USP34: variants seen among roughly 807,000 people sequenced by gnomAD.
USP34 encodes ubiquitin carboxyl-terminal hydrolase 34.
Under a neutral mutation model 460.3 loss-of-function variants are expected in USP34, and 70 were observed. That is an observed-to-expected ratio of 0.15 (90% CI 0.13 to 0.19). USP34 has a LOEUF of 0.19. USP34 is among the 10% of genes least tolerant of loss of function. USP34 has a pLI of 1.00. For missense variants in USP34, 3,985 were observed against 4,236.2 expected (o/e 0.94, Z 1.65); for synonymous variants, 1,647 against 1,405.3 (o/e 1.17, Z -3.85).
chr2:61,223,828 A>G (rs1687657836), intron 62 of USP34, among the ~76,000 whole-genome samples: 2 of 152,138 alleles, frequency 1.3e-5, no homozygotes, highest in Non-Finnish European at 1.5e-5. Flanking sequence ...CCTAGATTGC[A>G]TATTTCTTTT....
chr2:61,293,455 T>C lies in USP34; in HGVS notation c.4548+9A>G, dbSNP rs374423950. Reference sequence around the variant, plus strand: ...CTGTAACTAGTTGAAACCATAAATATGCACTTACCACAGTCCATGATTCCT... The same window carrying C: ...CTGTAACTAGTTGAAACCATAAATACGCACTTACCACAGTCCATGATTCCT... On this transcript the variant is annotated intron_variant, in intron 33 of 79. Coordinates refer to ENST00000398571, the MANE Select transcript of USP34 (RefSeq NM_014709.4). The C allele has an allele frequency of 1.1e-5, 18 of 1,604,978 alleles. No homozygotes were observed. The highest frequency in any genetic ancestry group is 2.7e-5 in the African/African-American group (2 of 74,662).
At chr2:61,404,627 A>G (rs147397115) in intron 3 of USP34, among the ~76,000 whole-genome samples, 104 of 152,304 alleles carry the variant, frequency 6.8e-4, no homozygotes, top group African/African-American at 2.3e-3. Flanking sequence ...GGAGCCCCAG[A>G]TAACAGCCAC....
rs181346629 is a variant in USP34, at chr2:61,437,768, G to A, written c.44-16935C>T. Among the ~76,000 whole-genome samples, 22 of 46,222 alleles carry A rather than the reference G, an allele frequency of 4.8e-4. No individual in the cohort carries two copies. In the East Asian group the frequency reaches 9.2e-3, roughly 19 times the overall value. 30.3% of individuals were successfully genotyped at this position (46,222 alleles called of 152,430 possible). On this transcript the variant is annotated intron_variant, in intron 1 of 79. Coordinates refer to ENST00000398571, the MANE Select transcript of USP34 (RefSeq NM_014709.4). ...AGCCTGGGCAACAGAGCGAGACTCC[G>A]TCTCAAAAATAAATAAATAAATAAA...
intron 8 of USP34, among the ~76,000 whole-genome samples, chr2:61,377,255 A>G (rs143246686): frequency 1.0e-3 from 157 of 152,290 alleles, no homozygotes; most frequent in Non-Finnish European, 1.7e-3. Context: ...AGCGCCTTAG[A>G]GCAGTAGTAA....
At chr2:61,362,095 C>T (rs890480849) in intron 10 of USP34, among the ~76,000 whole-genome samples, 4 of 151,878 alleles carry the variant, frequency 2.6e-5, no homozygotes, top group South Asian at 2.1e-4. Context: ...ATCAGAGAAA[C>T]GCAAATCAAA....
intron 10 of USP34, among the ~76,000 whole-genome samples, chr2:61,366,987 T>C (rs1408590805): frequency 1.3e-5 from 2 of 152,090 alleles, no homozygotes; most frequent in Non-Finnish European, 2.9e-5. Context: ...AGGCAGAAGC[T>C]GCAGCAAGTC....
intron 75 of USP34, among the ~76,000 whole-genome samples, chr2:61,196,312 G>C (rs1269013889): frequency 6.7e-6 from 1 of 148,576 alleles, no homozygotes; most frequent in African/African-American, 2.5e-5. Flanking sequence ...GGATAGTCTC[G>C]ATCTCCTGAC....
chr2:61,302,382 GGAAT>G (rs1690255922), intron 27 of USP34, among the ~76,000 whole-genome samples: 1 of 152,136 alleles, frequency 6.6e-6, no homozygotes, highest in South Asian at 2.1e-4. Flanking sequence ...AAACACAGAA[GGAAT>G]ATGTTTTTCT....
chr2:61,275,617 CTTTTT>C (rs34255356), intron 41 of USP34, among the ~76,000 whole-genome samples: 1 of 146,960 alleles, frequency 6.8e-6, no homozygotes, highest in Non-Finnish European at 1.5e-5. Context: ...GACCCTGTCC[CTTTTT>C]TTTTTTTAAA....
At chr2:61,408,826 G>A (rs1386357900) in intron 2 of USP34, among the ~76,000 whole-genome samples, 6 of 151,918 alleles carry the variant, frequency 3.9e-5, no homozygotes, top group Non-Finnish European at 7.4e-5. Context: ...TTGGGAGGCG[G>A]AGGTTGCAGT....
At chr2:61,278,328 A>T (rs534745675) in intron 40 of USP34, 43 bp from the exon 41 acceptor site, 3 of 1,609,824 alleles carry the variant, frequency 1.9e-6, no homozygotes, top group South Asian at 2.2e-5. Context: ...GATAGTTCAC[A>T]TAATTATGTC....
chr2:61,294,346 A>C (rs984790403), intron 32 of USP34, among the ~76,000 whole-genome samples: 1 of 90,290 alleles, frequency 1.1e-5, no homozygotes, highest in East Asian at 2.3e-4. Flanking sequence ...ACTCCATTTC[A>C]AAAAAAAAAA....
At chr2:61,366,172 C>A (rs374400694) in intron 10 of USP34, among the ~76,000 whole-genome samples, 3 of 152,338 alleles carry the variant, frequency 2.0e-5, no homozygotes, top group East Asian at 3.9e-4. Context: ...GATCCGCCCA[C>A]GTTGGCCTCC....
chr2:61,336,082 G>A (rs1221575690), intron 18 of USP34, among the ~76,000 whole-genome samples: 1 of 151,724 alleles, frequency 6.6e-6, no homozygotes, highest in Non-Finnish European at 1.5e-5. Context: ...AACGTGAAAT[G>A]CCATATATAA....
chr2:61,343,756 A>G lies in USP34; in HGVS notation c.2500+59T>C, dbSNP rs542456968. On this transcript the variant is annotated intron_variant, in intron 16 of 79. Coordinates refer to ENST00000398571, the MANE Select transcript of USP34 (RefSeq NM_014709.4). ...AACTATTGAGTCCTTTCAACAAAGT[A>G]AGATAAATTATTCCTGTTGTGAAGA... 771 of 1,365,868 alleles carry G rather than the reference A, an allele frequency of 5.6e-4. 2 individuals are homozygous for G. In the African/African-American group the frequency reaches 0.013, roughly 23 times the overall value. The allele number at this position is 1,365,868 out of a possible 1,614,324, so 84.6% of individuals were successfully genotyped here.
intron 5 of USP34, 36 bp from the exon 6 acceptor site, chr2:61,383,372 A>C (rs780984791): frequency 7.0e-7 from 1 of 1,429,616 alleles, no homozygotes; most frequent in South Asian, 1.3e-5. Flanking sequence ...TTAATGCCTA[A>C]TATGTGAAAT....
chr2:61,267,899 C>A (rs896729789), intron 41 of USP34, among the ~76,000 whole-genome samples: 1 of 151,664 alleles, frequency 6.6e-6, no homozygotes, highest in Non-Finnish European at 1.5e-5. Context: ...GGATTACAGG[C>A]GTGAGCCACC....
chr2:61,402,580 A>G (rs575921206), intron 3 of USP34, among the ~76,000 whole-genome samples: 8 of 152,354 alleles, frequency 5.3e-5, no homozygotes, highest in Non-Finnish European at 8.8e-5. Flanking sequence ...CTATAAAATA[A>G]AAGTGTTGAG....
chr2:61,431,592 A>G (rs1334003087), intron 1 of USP34, among the ~76,000 whole-genome samples: 1 of 152,154 alleles, frequency 6.6e-6, no homozygotes, highest in Non-Finnish European at 1.5e-5. Context: ...GTGGTGGCTC[A>G]CACCTGTAAT....
Sources: allele counts gnomAD v4.1 joint callset (sites outside exome capture counted in the v4.1 genomes callset), GRCh38; gene constraint gnomAD v4.1.1; transcripts MANE v1.5; gene names NCBI Gene and HGNC (gene_info 2026-07-23, HGNC 2026-07-21).